Variants in NAV2 observed in about 807,000 individuals in gnomAD.
NAV2 encodes neuron navigator 2.
NAV2 carries 54 observed loss-of-function variants against 223.2 expected under a neutral mutation model. The observed-to-expected ratio is 0.24, with a 90% confidence interval of 0.19 to 0.30. The LOEUF is 0.30. NAV2 is among the 10% of genes least tolerant of loss of function. The probability of loss-of-function intolerance (pLI) is 1.00; values close to 1 mark genes in which losing one functional copy is unlikely to be tolerated. For missense variants in NAV2, 2,806 were observed against 3,147.5 expected (o/e 0.89, Z 2.60); for synonymous variants, 1,279 against 1,239.3 (o/e 1.03, Z -0.67).
At chr11:19,505,557 T>A (rs1350750380) in intron 1 of NAV2, 1 of 152,046 alleles carries the variant, frequency 6.6e-6, no homozygotes, top group Non-Finnish European at 1.5e-5. Flanking sequence ...GTGGGTCGGG[T>A]CATGCAGATG....
chr11:19,935,534 C>T (rs1002110344), intron 7 of NAV2, among the ~76,000 whole-genome samples: 11 of 152,136 alleles, frequency 7.2e-5, no homozygotes, highest in Non-Finnish European at 8.8e-5. Context: ...TTCGATATTC[C>T]CTCTTTCCTC....
rs763218686 is a variant in NAV2 at position 19,697,042 on chromosome 11, G to C, written c.76-135442G>C. ...TGGAACTAGAATAGGACCACAGAAGGTGTGCCTTCAGAGAGCTGTACTTAC... is the reference window on the plus strand; with the variant it reads ...TGGAACTAGAATAGGACCACAGAAGCTGTGCCTTCAGAGAGCTGTACTTAC... On this transcript the variant is annotated intron_variant, in intron 1 of 37. Coordinates refer to the NAV2 transcript ENST00000360655. Among the ~76,000 whole-genome samples, 12 of 152,208 alleles carry C rather than the reference G, an allele frequency of 7.9e-5. 1 individual carries two copies. Among genetic ancestry groups the C allele is most frequent in the Non-Finnish European group, 1.5e-4 (10 of 68,046 alleles).
intron 1 of NAV2, among the ~76,000 whole-genome samples, chr11:19,761,408 A>G (rs1046453805): frequency 1.4e-4 from 22 of 152,202 alleles, no homozygotes; most frequent in Non-Finnish European, 2.9e-4. Flanking sequence ...AAGTTGAATG[A>G]TATGCTCAGG....
intron 1 of NAV2, chr11:19,714,385 G>A: frequency 2.1e-6 from 1 of 466,864 alleles, no homozygotes. Flanking sequence ...ATGATCTAAG[G>A]CCCCATTGGG....
intron 19 of NAV2, chr11:20,056,670 C>A (rs2058382708): frequency 7.4e-7 from 1 of 1,353,316 alleles, no homozygotes; most frequent in Non-Finnish European, 1.1e-6. Flanking sequence ...ATCATCCCCA[C>A]CCCATGAAGA....
At chr11:19,804,379 A>G (rs2058433332) in intron 1 of NAV2, among the ~76,000 whole-genome samples, 1 of 152,234 alleles carries the variant, frequency 6.6e-6, no homozygotes, top group Non-Finnish European at 1.5e-5. Flanking sequence ...CAAGGTATCT[A>G]AGTGCTGAAT....
chr11:19,932,057 T>G (rs557188055), intron 6 of NAV2, among the ~76,000 whole-genome samples: 1 of 152,142 alleles, frequency 6.6e-6, no homozygotes, highest in African/African-American at 2.4e-5. Context: ...GCTGTTAGTT[T>G]GGAGCCTGCC....
At chr11:19,634,726 T>C (rs1051401576) in intron 1 of NAV2, among the ~76,000 whole-genome samples, 2 of 152,172 alleles carry the variant, frequency 1.3e-5, no homozygotes, top group African/African-American at 4.8e-5. Flanking sequence ...ATTAAACATT[T>C]CACAGGTTAG....
At chr11:19,870,814 G>A (rs1195301245) in intron 4 of NAV2, among the ~76,000 whole-genome samples, 1 of 152,140 alleles carries the variant, frequency 6.6e-6, no homozygotes, top group Non-Finnish European at 1.5e-5. Context: ...GGCAGAGCCA[G>A]GATTTACACC....
At chr11:19,485,535 A>C (rs1386447) in intron 1 of NAV2, among the ~76,000 whole-genome samples, 2,974 of 152,254 alleles carry the variant, frequency 0.02, 110 homozygotes, top group African/African-American at 0.068. Context: ...CAAAAACTGC[A>C]ATCACTCCTT....
intron 4 of NAV2, among the ~76,000 whole-genome samples, chr11:19,869,881 G>T (rs1434777928): frequency 6.6e-6 from 1 of 152,216 alleles, no homozygotes; most frequent in Non-Finnish European, 1.5e-5. Flanking sequence ...AGGTAAGTTT[G>T]CAAGCATGAT....
chr11:19,524,256 T>A (rs959497170), intron 1 of NAV2, among the ~76,000 whole-genome samples: 3 of 152,208 alleles, frequency 2.0e-5, no homozygotes, highest in Admixed American at 6.5e-5. Flanking sequence ...ATTCTGCACA[T>A]CTGCCACTTG....
rs188742180 is a variant in NAV2, at chr11:19,814,777, T to C, written c.268-17707T>C. The stretch of plus-strand genomic sequence containing the variant: ...CACCATGCCCAGGTAGAATGGTCAC[T>C]TTGATGTGGTCAGAGGCAATGGCTT... On this transcript the variant is annotated intron_variant, in intron 1 of 37. Transcript: ENST00000349880. 6.0e-4 allele frequency among the ~76,000 whole-genome samples: 91 copies of C among 152,264 alleles called. 1 individual carries two copies. In the East Asian group the frequency reaches 0.017, roughly 28 times the overall value.
intron 1 of NAV2, among the ~76,000 whole-genome samples, chr11:19,487,998 G>T (rs1446560863): frequency 6.6e-6 from 1 of 152,134 alleles, no homozygotes; most frequent in Non-Finnish European, 1.5e-5. Flanking sequence ...AGAGTTTAGG[G>T]GAGTCATGGA....
chr11:19,796,922 C>T (rs186860481), intron 1 of NAV2, among the ~76,000 whole-genome samples: 8 of 152,298 alleles, frequency 5.3e-5, no homozygotes, highest in East Asian at 1.9e-4. Flanking sequence ...GCATGCATTT[C>T]GGCCCCCACT....
chr11:19,680,895 C>T (rs975971168), intron 1 of NAV2, among the ~76,000 whole-genome samples: 6 of 152,218 alleles, frequency 3.9e-5, no homozygotes, highest in African/African-American at 1.4e-4. Flanking sequence ...CAAGGGCTTC[C>T]AAAGCCCATG....
At position 19,467,463 on chromosome 11, in the gene NAV2, G is replaced by A. The variant is rs537290769; in HGVS notation, c.75+116436G>A. ...TGAACTTAAGACAAGAAAATCACTC[G>A]TGGTGTTCGCAACTGACTTGCTTTC... On this transcript the variant is annotated intron_variant, in intron 1 of 37. Coordinates refer to the NAV2 transcript ENST00000360655. Among the ~76,000 whole-genome samples, 13 of 152,276 alleles carry A rather than the reference G, an allele frequency of 8.5e-5. No homozygotes were observed. The South Asian group carries it at 1.9e-3, about 22-fold the overall frequency.
chr11:19,718,091 G>A (rs557756360), intron 1 of NAV2, among the ~76,000 whole-genome samples: 19 of 127,792 alleles, frequency 1.5e-4, no homozygotes, highest in Non-Finnish European at 2.5e-4. Flanking sequence ...GTGTTCTGCA[G>A]CAGCAGCACA....
chr11:20,073,030 G>T (rs965652453), intron 22 of NAV2, among the ~76,000 whole-genome samples: 1 of 152,184 alleles, frequency 6.6e-6, no homozygotes, highest in African/African-American at 2.4e-5. Context: ...CAAAGGGAAT[G>T]CTTCCAGTCT....
Sources: gnomAD v4.1 joint callset for allele counts (sites outside exome capture counted in the v4.1 genomes callset) on GRCh38, gnomAD v4.1.1 for gene constraint, MANE v1.5 for transcripts, NCBI Gene and HGNC (gene_info 2026-07-23, HGNC 2026-07-21) for gene names.